Variants in DIAPH2 observed in about 807,000 individuals in gnomAD.
DIAPH2 encodes diaphanous related formin 2.
Under a neutral mutation model 92.7 loss-of-function variants are expected in DIAPH2, and 35 were observed. That is an observed-to-expected ratio of 0.38 (90% CI 0.29 to 0.50). The LOEUF (loss-of-function observed/expected upper bound fraction) is 0.50. Ranked by LOEUF, DIAPH2 falls within the 20% of genes least tolerant of loss-of-function variation. The pLI is 0.94. For synonymous variants in DIAPH2, 301 were observed against 280.4 expected, an observed-to-expected ratio of 1.07 and a Z score of -0.73; for missense variants, 701 against 819.5, an observed-to-expected ratio of 0.86 and a Z score of 1.77.
chrX:97,195,415 C>G (rs1367744530), intron 22 of DIAPH2, among the ~76,000 whole-genome samples: 1 of 111,001 alleles, frequency 9.0e-6, no homozygotes, highest in African/African-American at 3.3e-5. Flanking sequence ...AATCCCAGCA[C>G]TTTGGGAGGC....
At chrX:97,214,559 G>A (rs756527352) in intron 22 of DIAPH2, among the ~76,000 whole-genome samples, 3 of 110,599 alleles carry the variant, frequency 2.7e-5, no homozygotes, top group Non-Finnish European at 5.7e-5. Context: ...GGCTGGGCAC[G>A]GTGGCTCATG....
intron 4 of DIAPH2, among the ~76,000 whole-genome samples, chrX:96,758,525 T>A (rs998740963): frequency 8.9e-6 from 1 of 111,975 alleles, no homozygotes; most frequent in Admixed American, 9.5e-5. Context: ...AGCTTTTGTG[T>A]ACATACTAAA....
intron 4 of DIAPH2, among the ~76,000 whole-genome samples, chrX:96,787,686 C>CTTTTTTTTTT (rs56998803): frequency 1.8e-5 from 1 of 54,734 alleles, no homozygotes; most frequent in Non-Finnish European, 3.0e-5. Flanking sequence ...ACTCTTTTCT[C>CTTTTTTTTTT]TTTTTTTTTT....
chrX:96,852,331 A>G (rs962142659), intron 4 of DIAPH2, among the ~76,000 whole-genome samples: 1 of 112,221 alleles, frequency 8.9e-6, no homozygotes, highest in Non-Finnish European at 1.9e-5. Flanking sequence ...TACTAAAACT[A>G]TGTTTTTAGA....
At chrX:96,874,380 A>C (rs1271086744) in intron 4 of DIAPH2, among the ~76,000 whole-genome samples, 2 of 111,948 alleles carry the variant, frequency 1.8e-5, no homozygotes, top group African/African-American at 6.5e-5. Context: ...ACTAGTGGAC[A>C]CACTTCACAG....
At chrX:96,886,404 C>T (rs903187995) in intron 5 of DIAPH2, among the ~76,000 whole-genome samples, 1 of 110,194 alleles carries the variant, frequency 9.1e-6, no homozygotes, top group Non-Finnish European at 1.9e-5. Context: ...AAAAAAATCT[C>T]TTAAATGGAA....
chrX:97,242,450 G>T (rs1340551088), intron 22 of DIAPH2, among the ~76,000 whole-genome samples: 2 of 109,101 alleles, frequency 1.8e-5, no homozygotes, highest in Non-Finnish European at 3.8e-5. Context: ...TGCAACCTCT[G>T]TCTCCCAAGT....
At chrX:97,246,209 C>G (rs1388425098) in intron 22 of DIAPH2, among the ~76,000 whole-genome samples, 5 of 110,226 alleles carry the variant, frequency 4.5e-5, no homozygotes, top group African/African-American at 1.3e-4. Context: ...CCACCGCGCT[C>G]GGCCTGTCTT....
intron 17 of DIAPH2, among the ~76,000 whole-genome samples, chrX:96,990,173 G>T (rs1301937583): frequency 8.9e-6 from 1 of 112,231 alleles, no homozygotes; most frequent in African/African-American, 3.2e-5. Flanking sequence ...AGAGAGCTAA[G>T]CAGTAGAAAA....
chrX:97,281,202 G>A (rs987601572), intron 23 of DIAPH2, among the ~76,000 whole-genome samples: 3 of 111,784 alleles, frequency 2.7e-5, no homozygotes, highest in Non-Finnish European at 5.6e-5. Flanking sequence ...CTTGAAAAGT[G>A]ATGTGTATTT....
chrX:97,455,292 G>C (rs769806661), intron 26 of DIAPH2, among the ~76,000 whole-genome samples: 1 of 111,970 alleles, frequency 8.9e-6, no homozygotes, highest in East Asian at 2.8e-4. Context: ...CCTGTTCTAA[G>C]TGTCCATAGC....
chrX:96,909,766 T>A (rs192715106), intron 5 of DIAPH2, among the ~76,000 whole-genome samples: 1,893 of 111,202 alleles, frequency 0.017, 38 homozygotes, highest in African/African-American at 0.059. Context: ...TTATTTTTTT[T>A]AAGAAAAATA....
intron 23 of DIAPH2, among the ~76,000 whole-genome samples, chrX:97,298,299 G>A (rs1258606127): frequency 1.1e-5 from 1 of 91,229 alleles, no homozygotes; most frequent in Non-Finnish European, 2.1e-5. Flanking sequence ...ATCTGACATT[G>A]TTGATAATAT....
intron 23 of DIAPH2, among the ~76,000 whole-genome samples, chrX:97,295,029 C>T (rs2068631787): frequency 9.0e-6 from 1 of 111,511 alleles, no homozygotes; most frequent in African/African-American, 3.3e-5. Flanking sequence ...CCCTAATCTT[C>T]TAACCATTAA....
At chrX:97,366,632 AT>A (rs1029373544) in intron 24 of DIAPH2, among the ~76,000 whole-genome samples, 31 of 110,702 alleles carry the variant, frequency 2.8e-4, no homozygotes, top group Non-Finnish European at 2.3e-4. Flanking sequence ...ATGTCACTAG[AT>A]TTTTTTTTCT....
In DIAPH2 at chrX:96,954,493, A is replaced by C. The variant is rs766848308; in HGVS notation, c.1615-3335A>C. On this transcript the variant is annotated intron_variant, in intron 15 of 26. Transcript: ENST00000324765. ...GAAGTTACTTTCTGATAGAAATGTT[A>C]TATCCTCCTCATAATCCTATCTATT... Among the ~76,000 whole-genome samples, 94 of 112,212 alleles carry C rather than the reference A, an allele frequency of 8.4e-4. 1 individual carries two copies. The highest frequency in any genetic ancestry group is 2.9e-3 in the African/African-American group (89 of 30,908).
chrX:96,916,533 A>G lies in DIAPH2; in HGVS notation c.828A>G (p.Val276=), dbSNP rs1208561291. Residue 276 remains valine, a synonymous_variant, in exon 8 of 27, where the codon GTA becomes GTG. Coordinates refer to ENST00000324765, the MANE Select transcript of DIAPH2 (RefSeq NM_006729.5). ...PKQPNMMTEI[V]KILSAICIVG... is the part of the protein sequence containing the mutation. ...AACCCAACATGATGACTGAAATAGT[A>G]AAAATACTTTCTGCTATTTGCATTG... The G allele has an allele frequency of 5.8e-6, 7 of 1,202,272 alleles. No homozygotes were observed. The highest frequency in any genetic ancestry group is 2.2e-5 in the Admixed American group (1 of 44,842).
At chrX:97,088,355 A>G (rs1323034313) in intron 19 of DIAPH2, among the ~76,000 whole-genome samples, 1 of 111,815 alleles carries the variant, frequency 8.9e-6, no homozygotes, top group African/African-American at 3.2e-5. Flanking sequence ...TCATCTGCTC[A>G]TTTCTACTGT....
intron 17 of DIAPH2, among the ~76,000 whole-genome samples, chrX:97,025,652 AAAAAC>A (rs1419944117): frequency 9.1e-6 from 1 of 110,037 alleles, no homozygotes; most frequent in Non-Finnish European, 1.9e-5. Context: ...ACTCCGTCTC[AAAAAC>A]AAAACAAACA....
Sources: gnomAD v4.1 joint callset for allele counts (sites outside exome capture counted in the v4.1 genomes callset) on GRCh38, gnomAD v4.1.1 for gene constraint, MANE v1.5 for transcripts, NCBI Gene and HGNC (gene_info 2026-07-23, HGNC 2026-07-21) for gene names.